Variants in HDAC9 observed in about 807,000 individuals in gnomAD.
The protein encoded by HDAC9 is MEF-2 interacting transcription repressor (MITR) protein.
A neutral mutation model predicts 139.4 loss-of-function variants in HDAC9; 41 were observed. The observed-to-expected ratio is 0.29, with a 90% CI of 0.23 to 0.38. HDAC9 has a LOEUF of 0.38. Among genes scored for constraint, HDAC9 ranks in the 10% least tolerant of loss-of-function variants. The pLI is 1.00. For missense variants in HDAC9, 1,147 were observed against 1,297.0 expected (o/e 0.88, Z 1.78); for synonymous variants, 517 against 476.2 (o/e 1.09, Z -1.12).
At chr7:18,350,251 C>G (rs1008544731) in intron 1 of HDAC9, among the ~76,000 whole-genome samples, 2 of 151,914 alleles carry the variant, frequency 1.3e-5, no homozygotes, top group African/African-American at 2.4e-5. Flanking sequence ...AATGTTAATG[C>G]CAAGTTTTGA....
In HDAC9 at chr7:18,837,208, G is replaced by GA. The variant is rs545335472; in HGVS notation, c.2684+1217dup. Among the ~76,000 whole-genome samples the GA allele has an allele frequency of 1.4e-3, 210 of 151,328 alleles. 1 individual carries two copies. Among genetic ancestry groups the GA allele is most frequent in the African/African-American group, 3.7e-3 (151 of 41,252 alleles). ...CCACATTCTGGAATGTGTACTTTGG[G>GA]AAAAAATATACACAAAGATATCCAC... On this transcript the variant is annotated intron_variant, in intron 21 of 25. Coordinates refer to ENST00000686413, the MANE Select transcript of HDAC9 (RefSeq NM_178425.4).
At chr7:18,778,285 A>T (rs575823318) in intron 16 of HDAC9, among the ~76,000 whole-genome samples, 21 of 151,962 alleles carry the variant, frequency 1.4e-4, no homozygotes, top group Non-Finnish European at 1.9e-4. Flanking sequence ...AACATCATCA[A>T]TTCTGGGTAA....
chr7:18,852,237 C>T (rs972917468), intron 21 of HDAC9, among the ~76,000 whole-genome samples: 2 of 152,164 alleles, frequency 1.3e-5, no homozygotes, highest in South Asian at 2.1e-4. Context: ...GTGAGAATCA[C>T]TACAAGACAA....
chr7:18,558,425 G>A (rs993554879), intron 2 of HDAC9, among the ~76,000 whole-genome samples: 2 of 152,124 alleles, frequency 1.3e-5, no homozygotes, highest in African/African-American at 4.8e-5. Context: ...ACACAGCAGG[G>A]TTCATTTCAA....
At chr7:18,479,550 C>A (rs1256078899) in intron 1 of HDAC9, among the ~76,000 whole-genome samples, 1 of 152,098 alleles carries the variant, frequency 6.6e-6, no homozygotes, top group Non-Finnish European at 1.5e-5. Flanking sequence ...ACAAATAACT[C>A]CTGAAATCTG....
chr7:18,609,068 CATT>C (rs1457794825), intron 6 of HDAC9, among the ~76,000 whole-genome samples: 1 of 152,036 alleles, frequency 6.6e-6, no homozygotes, highest in Admixed American at 6.6e-5. Context: ...ATTTTAATGT[CATT>C]ATATATATTT....
chr7:18,277,555 C>A (rs899066322), intron 2 of HDAC9, among the ~76,000 whole-genome samples: 5 of 152,124 alleles, frequency 3.3e-5, no homozygotes, highest in African/African-American at 1.2e-4. Flanking sequence ...TAGTTCTTTT[C>A]TTCCATTTTG....
At chr7:18,883,149 G>T (rs1799855713) in intron 22 of HDAC9, among the ~76,000 whole-genome samples, 1 of 152,094 alleles carries the variant, frequency 6.6e-6, no homozygotes, top group Non-Finnish European at 1.5e-5. Flanking sequence ...ATACATTGAG[G>T]TATGTTCTGC....
At chr7:18,925,569 G>T (rs1804143436) in intron 22 of HDAC9, among the ~76,000 whole-genome samples, 1 of 151,806 alleles carries the variant, frequency 6.6e-6, no homozygotes, top group Admixed American at 6.6e-5. Flanking sequence ...TTGAATACAT[G>T]GTGTTTTAGT....
rs56690120 is a variant in HDAC9, at chr7:18,207,539, C to CTTTTTTTTTTTTTTTTTTTTTTTTTTTTT, written c.25+45208_25+45209insTTTTTTTTTTTTTTTTTTTTTTTTTTTTT. Among the ~76,000 whole-genome samples, 11 of 53,740 alleles carry CTTTTTTTTTTTTTTTTTTTTTTTTTTTTT rather than the reference C, an allele frequency of 2.0e-4. 2 individuals carry two copies. The highest frequency in any genetic ancestry group is 3.1e-4 in the Non-Finnish European group (10 of 31,946). The allele number at this position is 53,740 out of a possible 152,430, so 35.3% of individuals were successfully genotyped here. Reference sequence around the variant, plus strand: ...CTCTCACCTCATCTGCCCAAGGAGTCTTTTTTTTTTTTTTTTTTGATTTGA... The same window carrying CTTTTTTTTTTTTTTTTTTTTTTTTTTTTT: ...CTCTCACCTCATCTGCCCAAGGAGTCTTTTTTTTTTTTTTTTTTTTTTTTTTTTTTTTTTTTTTTTTTTTTTTGATTTGA... On this transcript the variant is annotated intron_variant, in intron 2 of 12. Coordinates refer to the HDAC9 transcript ENST00000417496.
intron 2 of HDAC9, among the ~76,000 whole-genome samples, chr7:18,270,124 C>A (rs192010475): frequency 2.0e-5 from 3 of 152,014 alleles, no homozygotes; most frequent in Admixed American, 6.6e-5. Context: ...CTAGATGTCC[C>A]CCTGGGTTGG....
chr7:18,951,785 T>G (rs1308735616), intron 23 of HDAC9, among the ~76,000 whole-genome samples: 2 of 151,816 alleles, frequency 1.3e-5, no homozygotes, highest in East Asian at 3.9e-4. Flanking sequence ...AAATTATGAA[T>G]AATGACAACA....
intron 23 of HDAC9, chr7:18,949,605 T>TACC (rs1245490289): frequency 5.6e-6 from 1 of 178,982 alleles, no homozygotes; most frequent in Middle Eastern, 2.9e-3. Flanking sequence ...TCATCATAGG[T>TACC]ACCAGCTCCT....
chr7:18,263,512 G>A (rs929741038), intron 2 of HDAC9, among the ~76,000 whole-genome samples: 8 of 152,112 alleles, frequency 5.3e-5, no homozygotes, highest in Non-Finnish European at 1.0e-4. Flanking sequence ...AACTGCCTGA[G>A]CTCATATGCC....
chr7:18,940,599 GC>G (rs1262328896), intron 23 of HDAC9, among the ~76,000 whole-genome samples: 1 of 152,134 alleles, frequency 6.6e-6, no homozygotes, highest in Non-Finnish European at 1.5e-5. Flanking sequence ...GCTTGGAAAG[GC>G]ATTAGGGATA....
chr7:18,513,882 A>G (rs1223035819), intron 2 of HDAC9, among the ~76,000 whole-genome samples: 2 of 152,224 alleles, frequency 1.3e-5, no homozygotes, highest in African/African-American at 4.8e-5. Flanking sequence ...TAACCCCAGT[A>G]ATTTGTTTGA....
Position 18,749,105 on chromosome 7 carries a change from A to T in HDAC9, c.2010A>T (p.Arg670=). ...GACGAATACAGAGTATCTGGTCACG[A>T]CTGCAAGAAACTGGGCTGCTAAATA... The part of the protein sequence containing the change: ...HAGRIQSIWS[R]LQETGLLNKC... The change falls in exon 14 of 26, where the codon CGA becomes CGT. Residue 670 remains arginine, a synonymous_variant. Coordinates refer to ENST00000686413, the MANE Select transcript of HDAC9 (RefSeq NM_178425.4). The T allele has an allele frequency of 6.2e-7, 1 of 1,613,808 alleles. No individual in the cohort carries two copies. Among genetic ancestry groups the T allele is most frequent in the Non-Finnish European group, 8.5e-7 (1 of 1,179,812 alleles).
At chr7:18,595,344 CAG>C (rs34825618) in intron 6 of HDAC9, among the ~76,000 whole-genome samples, 33,442 of 151,874 alleles carry the variant, frequency 0.22, 3,876 homozygotes, top group Non-Finnish European at 0.25. Context: ...ATCTGCAAAT[CAG>C]AGTGTCTTAT....
chr7:18,775,932 T>A (rs117193170), intron 16 of HDAC9, among the ~76,000 whole-genome samples: 1,831 of 152,118 alleles, frequency 0.012, 14 homozygotes, highest in Non-Finnish European at 0.021. Flanking sequence ...GGGCATCCAA[T>A]TTTTTGTTTG....
Sources: allele counts gnomAD v4.1 joint callset (sites outside exome capture counted in the v4.1 genomes callset), GRCh38; gene constraint gnomAD v4.1.1; transcripts MANE v1.5; gene names NCBI Gene and HGNC (gene_info 2026-07-23, HGNC 2026-07-21).